Variants in NCAN observed in about 807,000 individuals in gnomAD.
NCAN encodes the protein neurocan core protein.
A neutral mutation model predicts 121.8 loss-of-function variants in NCAN; 47 were observed. That is an observed-to-expected ratio of 0.39 (90% CI 0.31 to 0.49). The LOEUF is 0.49. Ranked by LOEUF, NCAN falls within the 20% of genes least tolerant of loss-of-function variation. NCAN has a pLI of 0.92. For synonymous variants in NCAN, 633 were observed against 702.0 expected (o/e 0.90, Z 1.55); for missense variants, 1,517 against 1,773.4 (o/e 0.86, Z 2.60).
chr19:19,232,005 G>A (rs1363190051), intron 8 of NCAN, among the ~76,000 whole-genome samples: 1 of 152,016 alleles, frequency 6.6e-6, no homozygotes, highest in Non-Finnish European at 1.5e-5. Context: ...TCTTGGGGTG[G>A]TGGTGAGGAG....
chr19:19,226,673 G>A lies in NCAN; in HGVS notation c.1260G>A (p.Glu420=), dbSNP rs761949820. The A allele has an allele frequency of 1.2e-6, 2 of 1,613,684 alleles. No individual in the cohort carries two copies. The highest frequency in any genetic ancestry group is 1.1e-5 in the South Asian group (1 of 91,090). ...GGGAAGAAGAAACCCTGATTTTGGAGGAGAAGCAGGAGTCTCAACAGACCC... is the reference window on the plus strand; with the variant it reads ...GGGAAGAAGAAACCCTGATTTTGGAAGAGAAGCAGGAGTCTCAACAGACCC... ...SSGEEETLIL[E]EKQESQQTLS... The change falls in exon 7 of 15, where the codon GAG becomes GAA. Residue 420 remains glutamate (E), a synonymous_variant. Transcript: ENST00000252575.
In NCAN at chr19:19,240,631, C is replaced by T; in HGVS notation, c.3438C>T (p.Gly1146=). ...NSFGHENTWI[G]LNDRIVERDF... ...TTGGGCATGAAAACACGTGGATCGG[C>T]CTGAACGACAGGATCGTGGAGAGAG... Residue 1146 remains glycine (G), a synonymous_variant, in exon 12 of 15, where the codon GGC becomes GGT. Coordinates refer to ENST00000252575, the MANE Select transcript of NCAN (RefSeq NM_004386.3). The T allele has an allele frequency of 1.2e-6, 2 of 1,614,090 alleles. No individual in the cohort carries two copies. The highest frequency in any genetic ancestry group is 1.7e-6 in the Non-Finnish European group (2 of 1,180,044).
chr19:19,234,218 G>C (rs2060872741), intron 9 of NCAN, among the ~76,000 whole-genome samples: 1 of 152,126 alleles, frequency 6.6e-6, no homozygotes, highest in African/African-American at 2.4e-5. Flanking sequence ...CCCTTTCCTG[G>C]GTCGGTGGGA....
rs760446655 is a variant in NCAN at position 19,245,417 on chromosome 19, C to A, written c.3597C>A (p.Pro1199=). ...AAAGCGGGCGCTGGAACGATGTCCC[C>A]TGCAACTACAACCTACCCTATGTCT... ...AHESGRWNDV[P]CNYNLPYVCK... Residue 1199 remains proline, a synonymous_variant, in exon 13 of 15, where the codon CCC becomes CCA. Transcript: ENST00000252575. The A allele has an allele frequency of 1.1e-5, 17 of 1,614,098 alleles. No homozygotes were observed. The Admixed American group carries it at 2.8e-4, about 27-fold the overall frequency.
Position 19,225,365 on chromosome 19 carries a change from G to A in NCAN, c.1072+95G>A. ...TCGCCAAGCCAAGGGAGAGACACAT[G>A]GAAGCTCGCTTTGTGATAAGCCACA... is the stretch of plus-strand genomic sequence containing the variant. On this transcript the variant is annotated intron_variant, in intron 6 of 14. Coordinates refer to ENST00000252575, the MANE Select transcript of NCAN (RefSeq NM_004386.3). This position sits in a 1 kb window ranked among gnomAD's most constrained non-coding sequence, Gnocchi z 4.0. 6 of 1,367,746 alleles carry A rather than the reference G, an allele frequency of 4.4e-6. No homozygotes were observed. The highest frequency in any genetic ancestry group is 5.7e-6 in the Non-Finnish European group (6 of 1,054,348). 84.7% of individuals were successfully genotyped at this position (1,367,746 alleles called of 1,614,324 possible). A position where few individuals can be genotyped will look rare whatever the true frequency, so the allele number is the denominator to read the frequency against.
chr19:19,218,892 T>C, intron 2 of NCAN, 23 bp from the exon 3 acceptor site: 1 of 1,474,982 alleles, frequency 6.8e-7, no homozygotes, highest in Non-Finnish European at 9.0e-7. Context: ...AATCAGGCCC[T>C]CTCTCCACCT....
intron 13 of NCAN, among the ~76,000 whole-genome samples, chr19:19,247,354 C>T (rs1338360024): frequency 1.3e-5 from 2 of 152,088 alleles, no homozygotes; most frequent in African/African-American, 4.8e-5. Context: ...CCCGGGTTCA[C>T]GCCATTCTCC....
intron 11 of NCAN, among the ~76,000 whole-genome samples, chr19:19,240,297 C>G (rs1599821432): frequency 6.6e-6 from 1 of 151,938 alleles, no homozygotes; most frequent in Admixed American, 6.6e-5. Flanking sequence ...CCCTCTCCAC[C>G]TCAACCTCCA....
chr19:19,242,380 C>A (rs1420928391), intron 12 of NCAN, among the ~76,000 whole-genome samples: 3 of 151,822 alleles, frequency 2.0e-5, no homozygotes, highest in Non-Finnish European at 4.4e-5. Context: ...CAGAGCAAGA[C>A]CCTGTCTCAA....
At chr19:19,249,049 G>T in intron 14 of NCAN, 167 bp downstream of exon 14, 1 of 303,018 alleles carries the variant, frequency 3.3e-6, no homozygotes. Context: ...CTTCATTTGT[G>T]TGTGTGTGTG....
chr19:19,230,202 G>A (rs1414214903), intron 8 of NCAN, among the ~76,000 whole-genome samples: 2 of 151,616 alleles, frequency 1.3e-5, no homozygotes, highest in Non-Finnish European at 2.9e-5. Flanking sequence ...CCGCCACCAC[G>A]CCTGGCTAAT....
intron 3 of NCAN, among the ~76,000 whole-genome samples, chr19:19,220,632 T>C (rs2060813336): frequency 6.6e-6 from 1 of 152,030 alleles, no homozygotes; most frequent in Admixed American, 6.6e-5. Context: ...TAATTTTTTG[T>C]ATTTTTAGTA....
intron 1 of NCAN, among the ~76,000 whole-genome samples, chr19:19,214,060 C>T (rs189890296): frequency 1.3e-4 from 20 of 152,264 alleles, no homozygotes; most frequent in Non-Finnish European, 2.8e-4. Context: ...GGCACAACCG[C>T]CTTCACACCC....
chr19:19,216,969 G>C lies in NCAN; in HGVS notation c.16G>C (p.Val6Leu). Reference protein sequence around the residue: MGAPFVWALGLLMLQM... With the variant: MGAPFLWALGLLMLQM... Reference sequence around the variant, plus strand: ...CAGATCCAGGATGGGGGCCCCGTTTGTCTGGGCCTTGGGCCTTTTGATGCT... The same window carrying C: ...CAGATCCAGGATGGGGGCCCCGTTTCTCTGGGCCTTGGGCCTTTTGATGCT... Residue 6 changes from valine to leucine, a missense_variant, in exon 2 of 15, where the codon GTC (valine) becomes CTC (leucine). Coordinates refer to ENST00000252575, the MANE Select transcript of NCAN (RefSeq NM_004386.3). The C allele has an allele frequency of 7.6e-7, 1 of 1,312,156 alleles. No individual in the cohort carries two copies. The highest frequency in any genetic ancestry group is 2.8e-5 in the East Asian group (1 of 35,666). 81.3% of individuals were successfully genotyped at this position (1,312,156 alleles called of 1,614,324 possible).
intron 12 of NCAN, among the ~76,000 whole-genome samples, chr19:19,243,887 A>G (rs928020690): frequency 1.1e-4 from 16 of 151,538 alleles, no homozygotes; most frequent in Admixed American, 7.2e-4. Context: ...TTAGCTGGGC[A>G]TGGTGGCGCA....
chr19:19,218,981 T>C lies in NCAN; in HGVS notation c.140T>C (p.Val47Ala), dbSNP rs763772897. The C allele has an allele frequency of 1.9e-6, 3 of 1,581,858 alleles. No individual in the cohort carries two copies. The highest frequency in any genetic ancestry group is 8.6e-7 in the Non-Finnish European group (1 of 1,161,710). Residue 47 changes from valine to alanine, a missense_variant, in exon 3 of 15, where the codon GTG becomes GCG. Val to Ala is a moderately conservative substitution (Grantham distance 64). Transcript: ENST00000252575. ...ATGCAGAAGCTGGGGTCTGGGTCAG[T>C]GCAGGCTGCGCTGGCGGAGCTGGTG... The part of the protein sequence containing the change: ...LHMQKLGSGS[V>A]QAALAELVAL...
Position 19,227,382 on chromosome 19 carries a change from G to C in NCAN, c.1762G>C (p.Glu588Gln), listed in dbSNP as rs150327139. ...GHSRAPVLEL[E>Q]KAEGPSARPA... is the part of the protein sequence containing the mutation. ...CAGCAGGGCCCCTGTCCTGGAGCTA[G>C]AGAAAGCCGAGGGCCCCAGTGCCAG... Residue 588 changes from glutamate (E) to glutamine (Q), a missense_variant, in exon 8 of 15, where the codon GAG (glutamate) becomes CAG (glutamine). Transcript: ENST00000252575. The surrounding 1 kb of genome is among the most constrained non-coding windows in gnomAD (Gnocchi z 4.2). 299 of 1,613,634 alleles carry C rather than the reference G, an allele frequency of 1.9e-4. No individual in the cohort carries two copies. The highest frequency in any genetic ancestry group is 2.5e-4 in the Non-Finnish European group (295 of 1,179,960).
intron 10 of NCAN, among the ~76,000 whole-genome samples, chr19:19,236,614 G>A (rs2060882075): frequency 6.6e-6 from 1 of 151,562 alleles, no homozygotes; most frequent in Admixed American, 6.6e-5. Flanking sequence ...TTTTTTTGTA[G>A]AGATGGGGTT....
chr19:19,216,840 C>A (rs1031176176), intron 1 of NCAN, 107 bp from the exon 2 acceptor site: 4 of 575,100 alleles, frequency 7.0e-6, no homozygotes, highest in South Asian at 1.2e-4. Flanking sequence ...TCTCTCTGAG[C>A]CCTGGTTTCC....
Sources: allele counts gnomAD v4.1 joint callset (sites outside exome capture counted in the v4.1 genomes callset), GRCh38; gene constraint gnomAD v4.1.1; non-coding constraint Gnocchi (gnomAD v3.1); transcripts MANE v1.5; gene names NCBI Gene and HGNC (gene_info 2026-07-23, HGNC 2026-07-21).